Variants in RASEF observed in about 807,000 individuals in gnomAD.
RASEF encodes the protein ras and EF-hand domain-containing protein.
Under a neutral mutation model 90.1 loss-of-function variants are expected in RASEF, and 68 were observed. The observed-to-expected ratio is 0.75, with a 90% CI of 0.62 to 0.92. RASEF has a LOEUF of 0.92. Among genes scored for constraint, RASEF ranks in the 40% least tolerant of loss-of-function variants. The pLI is 0.00. For synonymous variants in RASEF, 331 were observed against 345.2 expected, an observed-to-expected ratio of 0.96 and a Z score of 0.46; for missense variants, 949 against 937.2, an observed-to-expected ratio of 1.01 and a Z score of -0.16.
intron 3 of RASEF, among the ~76,000 whole-genome samples, chr9:83,020,603 T>TTGCTG (rs1480871791): frequency 1.3e-5 from 2 of 152,168 alleles, no homozygotes; most frequent in Non-Finnish European, 2.9e-5. Context: ...ACATGTGTCA[T>TTGCTG]TGCTGTGGAA....
rs547954677 is a variant in RASEF, at chr9:83,038,233, G to A, written c.432-12312C>T. On this transcript the variant is annotated intron_variant, in intron 1 of 16. Coordinates refer to ENST00000376447, the MANE Select transcript of RASEF (RefSeq NM_152573.4). ...GAAAGGAGGTAAAGACATAGAACCT[G>A]TGACAATCGTGGACTGAATTATTCA... Among the ~76,000 whole-genome samples the A allele has an allele frequency of 2.2e-4, 34 of 152,224 alleles. 2 individuals are homozygous for A. The South Asian group carries it at 2.3e-3, about 10-fold the overall frequency.
chr9:83,077,367 T>C, the RASEF span, among the ~76,000 whole-genome samples: 1 of 152,320 alleles, frequency 6.6e-6, no homozygotes, highest in Non-Finnish European at 1.5e-5. Context: ...GAACAACCCC[T>C]GGATAGGAAC....
chr9:83,034,481 T>C (rs975012282), intron 1 of RASEF, among the ~76,000 whole-genome samples: 1 of 152,212 alleles, frequency 6.6e-6, no homozygotes, highest in African/African-American at 2.4e-5. Flanking sequence ...TCTATTTTTA[T>C]AACATTCCCC....
the RASEF span, among the ~76,000 whole-genome samples, chr9:83,199,533 A>G: frequency 6.6e-6 from 1 of 152,160 alleles, no homozygotes; most frequent in African/African-American, 2.4e-5. Flanking sequence ...TGACACCAAT[A>G]TTGCAGGTGA....
At chr9:83,216,078 G>A in the RASEF span, among the ~76,000 whole-genome samples, 35 of 152,314 alleles carry the variant, frequency 2.3e-4, no homozygotes, top group East Asian at 6.6e-3. Context: ...TCTGGTGGAA[G>A]AAATTTCTAA....
the RASEF span, among the ~76,000 whole-genome samples, chr9:83,091,719 G>C: frequency 6.6e-6 from 1 of 152,046 alleles, no homozygotes; most frequent in Non-Finnish European, 1.5e-5. Context: ...ACAATCCCTG[G>C]GAAGAGGATT....
chr9:83,217,452 G>C, the RASEF span, among the ~76,000 whole-genome samples: 84,266 of 151,984 alleles, frequency 0.55, 23,968 homozygotes, highest in Non-Finnish European at 0.63. Context: ...TTGAATTATA[G>C]CTCCCATAAT....
chr9:83,071,263 A>G, the RASEF span, among the ~76,000 whole-genome samples: 2 of 152,176 alleles, frequency 1.3e-5, no homozygotes, highest in Admixed American at 1.3e-4. Flanking sequence ...TAGAGGGTCT[A>G]TTTGTAGATG....
chr9:83,125,528 A>AT, the RASEF span, among the ~76,000 whole-genome samples: 1 of 152,054 alleles, frequency 6.6e-6, no homozygotes, highest in Non-Finnish European at 1.5e-5. Flanking sequence ...CAATTTGCTA[A>AT]TTTTTTCTGA....
At chr9:83,134,449 C>CACACACATAT in the RASEF span, among the ~76,000 whole-genome samples, 17 of 139,424 alleles carry the variant, frequency 1.2e-4, no homozygotes, top group South Asian at 3.5e-3. Context: ...CACACACACA[C>CACACACATAT]ATATATATAT....
At chr9:83,047,820 T>C (rs1462487695) in intron 1 of RASEF, among the ~76,000 whole-genome samples, 1 of 152,232 alleles carries the variant, frequency 6.6e-6, no homozygotes, top group Non-Finnish European at 1.5e-5. Context: ...AGTTAGGATG[T>C]CATGGAACAA....
chr9:83,081,828 C>G, the RASEF span, among the ~76,000 whole-genome samples: 70 of 152,248 alleles, frequency 4.6e-4, no homozygotes, highest in Middle Eastern at 0.014. Flanking sequence ...ATAAATAAGA[C>G]TCCTGAAGTA....
the RASEF span, among the ~76,000 whole-genome samples, chr9:83,160,861 G>T: frequency 6.6e-6 from 1 of 152,180 alleles, no homozygotes; most frequent in African/African-American, 2.4e-5. Flanking sequence ...ACTCGAAGGG[G>T]CCCACATAGA....
At chr9:83,101,454 G>T in the RASEF span, among the ~76,000 whole-genome samples, 51 of 152,230 alleles carry the variant, frequency 3.4e-4, no homozygotes, top group African/African-American at 1.2e-3. Context: ...TATCGTACTG[G>T]GCACCCTGAT....
At chr9:83,020,610 G>A (rs1195969950) in intron 3 of RASEF, among the ~76,000 whole-genome samples, 2 of 152,140 alleles carry the variant, frequency 1.3e-5, no homozygotes, top group African/African-American at 4.8e-5. Flanking sequence ...TCATTGCTGT[G>A]GAATAGAGAA....
At chr9:83,094,782 TGG>T in the RASEF span, among the ~76,000 whole-genome samples, 6 of 152,246 alleles carry the variant, frequency 3.9e-5, no homozygotes, top group Admixed American at 3.3e-4. Context: ...AGTTATTAAA[TGG>T]GACAATGATA....
At chr9:83,065,639 C>A (rs1830276659), upstream of RASEF, among the ~76,000 whole-genome samples, 1 of 152,164 alleles carries the variant, frequency 6.6e-6, no homozygotes, top group African/African-American at 2.4e-5. Flanking sequence ...CTTACTGTTA[C>A]AATATACCAT....
At chr9:83,020,641 G>A (rs1449233242) in intron 3 of RASEF, among the ~76,000 whole-genome samples, 1 of 152,168 alleles carries the variant, frequency 6.6e-6, no homozygotes, top group African/African-American at 2.4e-5. Context: ...GGATGCATGG[G>A]TTTGCCACTA....
chr9:83,105,615 A>C, the RASEF span, among the ~76,000 whole-genome samples: 1 of 152,214 alleles, frequency 6.6e-6, no homozygotes, highest in African/African-American at 2.4e-5. Context: ...ATACACTAAG[A>C]CAAAATTGTT....
Sources: gnomAD v4.1 joint callset for allele counts (sites outside exome capture counted in the v4.1 genomes callset) on GRCh38, gnomAD v4.1.1 for gene constraint, MANE v1.5 for transcripts, NCBI Gene and HGNC (gene_info 2026-07-23, HGNC 2026-07-21) for gene names.